Variants in MPHOSPH10 observed in about 807,000 individuals in gnomAD.
MPHOSPH10 encodes U3 small nucleolar ribonucleoprotein MPP10.
In MPHOSPH10, 33 loss-of-function variants were observed where a neutral mutation model predicts 77.3. That is an observed-to-expected ratio of 0.43 (90% CI 0.32 to 0.57). The LOEUF (loss-of-function observed/expected upper bound fraction) is 0.57. Ranked by LOEUF, MPHOSPH10 falls within the 20% of genes least tolerant of loss-of-function variation. MPHOSPH10 has a pLI of 0.07. For missense variants in MPHOSPH10, 708 were observed against 780.1 expected, an observed-to-expected ratio of 0.91 and a Z score of 1.10; for synonymous variants, 245 against 268.0, an observed-to-expected ratio of 0.91 and a Z score of 0.84.
chr2:71,143,145 T>C (rs72837625), intron 7 of MPHOSPH10, among the ~76,000 whole-genome samples: 2,775 of 151,584 alleles, frequency 0.018, 39 homozygotes, highest in Non-Finnish European at 0.028. Flanking sequence ...TTCTTTTTTT[T>C]CTTTTTTTTT....
intron 1 of MPHOSPH10, among the ~76,000 whole-genome samples, chr2:71,131,167 TC>T (rs1673369842): frequency 6.6e-6 from 1 of 152,210 alleles, no homozygotes; most frequent in Non-Finnish European, 1.5e-5. Flanking sequence ...AAATAGAACT[TC>T]CATGTCTCTT....
Position 71,138,415 on chromosome 2 carries a change from AATT to A in MPHOSPH10, c.1099-71_1099-69del, listed in dbSNP as rs74417137. Reference sequence around the variant, plus strand: ...ACGTTTCTTGCTTTCCCACTTTTTAAATTATTTTTTGCTTTTACACAAATATAA... The same window carrying A: ...ACGTTTCTTGCTTTCCCACTTTTTAAATTTTTTGCTTTTACACAAATATAA... On this transcript the variant is annotated intron_variant, in intron 4 of 10. Coordinates refer to ENST00000244230, the MANE Select transcript of MPHOSPH10 (RefSeq NM_005791.3). 39,115 of 1,191,694 alleles carry A rather than the reference AATT, an allele frequency of 0.033. 3,753 individuals carry two copies. The East Asian group carries it at 0.39, about 12-fold the overall frequency. The allele number at this position is 1,191,694 out of a possible 1,614,324, so 73.8% of individuals were successfully genotyped here.
intron 10 of MPHOSPH10, 70 bp from the exon 11 acceptor site, chr2:71,149,796 G>T (rs747409984): frequency 7.8e-7 from 1 of 1,279,880 alleles, no homozygotes; most frequent in Non-Finnish European, 1.1e-6. Context: ...TAATGGTGAT[G>T]TACTATTTTT....
chr2:71,133,858 T>C, intron 2 of MPHOSPH10, 90 bp from the exon 3 acceptor site: 3 of 961,092 alleles, frequency 3.1e-6, no homozygotes, highest in Non-Finnish European at 4.5e-6. Flanking sequence ...GAAAGTAATA[T>C]ATACATACAA....
rs768234906 is a variant in MPHOSPH10, at chr2:71,138,625, C to T, written c.1234C>T (p.Arg412Trp). 3.0e-5 allele frequency: 48 copies of T among 1,613,984 alleles called. No individual in the cohort carries two copies. Among genetic ancestry groups the T allele is most frequent in the Non-Finnish European group, 3.5e-5 (41 of 1,180,018 alleles). Residue 412 changes from arginine to tryptophan, a missense_variant, in exon 5 of 11, where the codon CGG (arginine) becomes TGG (tryptophan). Arg to Trp is a moderately radical substitution (Grantham distance 101). Coordinates refer to ENST00000244230, the MANE Select transcript of MPHOSPH10 (RefSeq NM_005791.3). ...GACCCTACACTTTGACCATGCTGTC[C>T]GGATGGGTATGGTGCCCTCTTCTGT... The part of the protein sequence containing the change: ...EETLHFDHAV[R>W]MAPVITEETT...
intron 4 of MPHOSPH10, among the ~76,000 whole-genome samples, chr2:71,135,363 T>C (rs1673466638): frequency 6.8e-6 from 1 of 147,928 alleles, no homozygotes; most frequent in Non-Finnish European, 1.5e-5. Flanking sequence ...CTGGCTAACA[T>C]GGTAAAACCC....
In MPHOSPH10 at chr2:71,130,713, G is replaced by C; in HGVS notation, c.48G>C (p.Thr16=). ...WRRRTLERCL[T]EVGKATGRPE... ...GACGGACCCTGGAGCGGTGTCTGAC[G>C]GAAGTCGGCAAAGCCACGGGTCGGC... Residue 16 remains threonine (T), a synonymous_variant, in exon 1 of 11, where the codon ACG becomes ACC. Coordinates refer to ENST00000244230, the MANE Select transcript of MPHOSPH10 (RefSeq NM_005791.3). 1.2e-6 allele frequency: 2 copies of C among 1,610,964 alleles called. No individual in the cohort carries two copies. Among genetic ancestry groups the C allele is most frequent in the Non-Finnish European group, 1.7e-6 (2 of 1,179,310 alleles).
chr2:71,149,317 T>C lies in MPHOSPH10; in HGVS notation c.1760T>C (p.Met587Thr), dbSNP rs1222025572. Residue 587 changes from methionine (M) to threonine (T), a missense_variant, in exon 10 of 11, where the codon ATG becomes ACG. Met to Thr is a moderately conservative substitution (Grantham distance 81, BLOSUM62 -1). Coordinates refer to ENST00000244230, the MANE Select transcript of MPHOSPH10 (RefSeq NM_005791.3). ...ERRKKKYQKR[M>T]KIKEKEKRRK... ...AGGAAAAAGAAATATCAAAAGCGTATGAAAATAAAAGAGAAGGAGAAGCGG... is the reference window on the plus strand; with the variant it reads ...AGGAAAAAGAAATATCAAAAGCGTACGAAAATAAAAGAGAAGGAGAAGCGG... 6.2e-7 allele frequency: 1 copy of C among 1,612,686 alleles called. No homozygotes were observed. The highest frequency in any genetic ancestry group is 2.2e-5 in the East Asian group (1 of 44,852).
chr2:71,149,351 G>A lies in MPHOSPH10; in HGVS notation c.1794G>A (p.Leu598=). The change falls in exon 10 of 11, where the codon CTG becomes CTA. Residue 598 remains leucine, a synonymous_variant. Coordinates refer to ENST00000244230, the MANE Select transcript of MPHOSPH10 (RefSeq NM_005791.3). Reference sequence around the variant, plus strand: ...AAGAGAAGGAGAAGCGGAGAAAACTGCTTGAAAAGAGCAGTGTAGATCAAG... The same window carrying A: ...AAGAGAAGGAGAAGCGGAGAAAACTACTTGAAAAGAGCAGTGTAGATCAAG... ...KIKEKEKRRK[L]LEKSSVDQAG... is the part of the protein sequence containing the mutation. 6.2e-7 allele frequency: 1 copy of A among 1,614,156 alleles called. No homozygotes were observed. Among genetic ancestry groups the A allele is most frequent in the Non-Finnish European group, 8.5e-7 (1 of 1,179,998 alleles).
intron 4 of MPHOSPH10, among the ~76,000 whole-genome samples, chr2:71,136,848 C>CTTTT (rs60456435): frequency 0.023 from 2,730 of 118,584 alleles, 183 homozygotes; most frequent in African/African-American, 0.078. Flanking sequence ...AACTTTCAAC[C>CTTTT]TTTTTTTTTT....
chr2:71,138,296 A>G (rs1673535039), intron 4 of MPHOSPH10, among the ~76,000 whole-genome samples, 194 bp from the exon 5 acceptor site: 1 of 152,184 alleles, frequency 6.6e-6, no homozygotes, highest in South Asian at 2.1e-4. Context: ...TAATCAGGAA[A>G]AGAAATTGTT....
intron 7 of MPHOSPH10, 66 bp from the exon 8 acceptor site, chr2:71,144,362 T>G (rs1271224842): frequency 3.5e-6 from 4 of 1,157,228 alleles, no homozygotes; most frequent in Non-Finnish European, 5.1e-6. Context: ...TCATTGACCT[T>G]TAGTGTTTTG....
chr2:71,144,011 CTTG>C (rs1673659995), intron 7 of MPHOSPH10, among the ~76,000 whole-genome samples: 1 of 152,210 alleles, frequency 6.6e-6, no homozygotes, highest in Non-Finnish European at 1.5e-5. Flanking sequence ...ACCTGCCAAG[CTTG>C]TTGCCACTGT....
chr2:71,149,078 A>G (rs1673768752), intron 9 of MPHOSPH10, 145 bp from the exon 10 acceptor site: 2 of 683,696 alleles, frequency 2.9e-6, no homozygotes, highest in Non-Finnish European at 5.0e-6. Flanking sequence ...GCTCATTGGA[A>G]TGCAGGTGGG....
At chr2:71,139,712 C>T (rs1243034883) in intron 5 of MPHOSPH10, 83 bp from the exon 6 acceptor site, 5 of 895,558 alleles carry the variant, frequency 5.6e-6, no homozygotes, top group Non-Finnish European at 8.7e-6. Context: ...CCACGTGTTG[C>T]TGATGCTGTG....
chr2:71,140,950 T>A (rs997110616), intron 6 of MPHOSPH10, among the ~76,000 whole-genome samples: 4 of 152,132 alleles, frequency 2.6e-5, no homozygotes, highest in African/African-American at 9.7e-5. Context: ...GAAAAAGATA[T>A]TTGAGTAATG....
chr2:71,134,874 A>C, intron 4 of MPHOSPH10, 77 bp downstream of exon 4: 1 of 1,212,910 alleles, frequency 8.2e-7, no homozygotes, highest in South Asian at 1.4e-5. Context: ...TCCTTTGAAA[A>C]CAAATATCTT....
In MPHOSPH10 at chr2:71,131,114, C is replaced by T. The variant is rs187014219; in HGVS notation, c.89+360C>T. ...TAGCATACTTTATTGAAAGTACGAACTTGTCACTTGTCTGTCCACCCCCCA... is the reference window on the plus strand; with the variant it reads ...TAGCATACTTTATTGAAAGTACGAATTTGTCACTTGTCTGTCCACCCCCCA... On this transcript the variant is annotated intron_variant, in intron 1 of 10. Transcript: ENST00000244230. 3.2e-3 allele frequency among the ~76,000 whole-genome samples: 489 copies of T among 152,314 alleles called. 1 individual carries two copies. Among genetic ancestry groups the T allele is most frequent in the African/African-American group, 0.011 (454 of 41,562 alleles).
Position 71,148,084 on chromosome 2 carries a change from T to A in MPHOSPH10, c.1643T>A (p.Leu548His). ...VAPVSVSDAALLAPEEIKEKN... is the reference protein window; with the variant it reads ...VAPVSVSDAAHLAPEEIKEKN... ...CCAGTGAGTGTTAGTGATGCAGCTC[T>A]CCTGGCCCCAGAGGAGATCAAGGTA... The change falls in exon 9 of 11, where the codon CTC becomes CAC. Residue 548 changes from leucine to histidine, a missense_variant. Physicochemically the swap from Leu to His is moderately conservative, Grantham distance 99 (BLOSUM62 -3). Coordinates refer to ENST00000244230, the MANE Select transcript of MPHOSPH10 (RefSeq NM_005791.3). 1 of 1,613,962 alleles carries A rather than the reference T, an allele frequency of 6.2e-7. No homozygotes were observed. The highest frequency in any genetic ancestry group is 1.1e-5 in the South Asian group (1 of 91,076).
Sources: gnomAD v4.1 joint callset for allele counts (sites outside exome capture counted in the v4.1 genomes callset) on GRCh38, gnomAD v4.1.1 for gene constraint, MANE v1.5 for transcripts, NCBI Gene and HGNC (gene_info 2026-07-23, HGNC 2026-07-21) for gene names.